The following LDB2 variants were observed in gnomAD, a reference collection of about 807,000 sequenced individuals.
LDB2 encodes the protein LIM domain binding 2, also known as LIM domain-binding protein 2.
A neutral mutation model predicts 44.3 loss-of-function variants in LDB2; 12 were observed. That is an observed-to-expected ratio of 0.27 (90% confidence interval 0.17 to 0.44). LDB2 has a LOEUF of 0.44. LDB2 is among the 20% of genes least tolerant of loss of function. The pLI is 1.00. For missense variants in LDB2, 344 were observed against 473.5 expected (o/e 0.73, Z 2.54); for synonymous variants, 164 against 174.8 (o/e 0.94, Z 0.49).
intron 3 of LDB2, among the ~76,000 whole-genome samples, chr4:16,594,290 C>A: frequency 6.6e-6 from 1 of 152,240 alleles, no homozygotes; most frequent in East Asian, 1.9e-4. Context: ...GTCTGATCTA[C>A]AAGATTATGT....
intron 1 of LDB2, among the ~76,000 whole-genome samples, chr4:16,810,871 T>C (rs1312085220): frequency 6.6e-6 from 1 of 152,160 alleles, no homozygotes; most frequent in Non-Finnish European, 1.5e-5. Flanking sequence ...TCATTCTTAG[T>C]GTAAGAATAA....
At chr4:16,802,543 T>C (rs1470961635) in intron 1 of LDB2, among the ~76,000 whole-genome samples, 5 of 152,138 alleles carry the variant, frequency 3.3e-5, no homozygotes, top group Admixed American at 6.5e-5. Flanking sequence ...TTAGGTCTGT[T>C]TGAAGAGACA....
intron 1 of LDB2, among the ~76,000 whole-genome samples, chr4:16,826,141 T>TGATA (rs1181415714): frequency 3.3e-5 from 5 of 151,962 alleles, no homozygotes; most frequent in Admixed American, 6.5e-5. Context: ...GAGATAAAGA[T>TGATA]GATAGATATA....
At chr4:16,889,092 A>AACACACAC (rs35916896) in intron 1 of LDB2, 85 of 149,374 alleles carry the variant, frequency 5.7e-4, no homozygotes, top group African/African-American at 1.9e-3. Flanking sequence ...CACACACATA[A>AACACACAC]ACACACACAC....
At chr4:16,572,487 G>A (rs1279256806) in intron 5 of LDB2, among the ~76,000 whole-genome samples, 1 of 152,042 alleles carries the variant, frequency 6.6e-6, no homozygotes, top group Non-Finnish European at 1.5e-5. Flanking sequence ...AAATTTTGGC[G>A]GCATCTGTAG....
At chr4:16,579,350 A>C (rs981018549) in intron 5 of LDB2, among the ~76,000 whole-genome samples, 2 of 152,160 alleles carry the variant, frequency 1.3e-5, no homozygotes, top group Non-Finnish European at 2.9e-5. Context: ...AACACAAAAG[A>C]AGCATTTGTA....
chr4:16,619,068 C>T (rs1728160476), intron 2 of LDB2, among the ~76,000 whole-genome samples: 1 of 152,172 alleles, frequency 6.6e-6, no homozygotes. Context: ...GCTTGCTGAA[C>T]CATGAGCCAA....
intron 5 of LDB2, among the ~76,000 whole-genome samples, chr4:16,527,380 C>T (rs143916688): frequency 6.6e-6 from 1 of 152,070 alleles, no homozygotes; most frequent in Non-Finnish European, 1.5e-5. Flanking sequence ...CAATGCGATG[C>T]CACCTTACTC....
intron 5 of LDB2, among the ~76,000 whole-genome samples, chr4:16,558,234 A>G (rs1740540074): frequency 1.3e-5 from 2 of 152,232 alleles, no homozygotes; most frequent in Admixed American, 1.3e-4. Context: ...AGCTGAGAGA[A>G]GAAGGCTTCA....
chr4:16,552,955 A>G (rs1194280767), intron 5 of LDB2, among the ~76,000 whole-genome samples: 2 of 152,198 alleles, frequency 1.3e-5, no homozygotes, highest in Non-Finnish European at 2.9e-5. Context: ...TGACTCCACC[A>G]CAGGGCAGGC....
intron 1 of LDB2, among the ~76,000 whole-genome samples, chr4:16,814,159 C>T (rs7657764): frequency 0.01 from 1,530 of 152,250 alleles, 31 homozygotes; most frequent in African/African-American, 0.032. Context: ...CGTGAGCCAC[C>T]GCACCCGGCC....
At chr4:16,863,139 T>G (rs1713309227) in intron 1 of LDB2, among the ~76,000 whole-genome samples, 1 of 152,200 alleles carries the variant, frequency 6.6e-6, no homozygotes, top group African/African-American at 2.4e-5. Context: ...TGACTAATGA[T>G]TCCAACATCC....
intron 5 of LDB2, among the ~76,000 whole-genome samples, chr4:16,534,396 T>G (rs1211969649): frequency 1.3e-5 from 2 of 152,196 alleles, no homozygotes; most frequent in Admixed American, 1.3e-4. Flanking sequence ...CCTCATAATT[T>G]CCATTCCCCT....
chr4:16,690,764 GT>G (rs1480049802), intron 2 of LDB2, among the ~76,000 whole-genome samples: 1 of 152,058 alleles, frequency 6.6e-6, no homozygotes, highest in African/African-American at 2.4e-5. Context: ...GAAGTATGAG[GT>G]GGGAAAGAGA....
intron 2 of LDB2, among the ~76,000 whole-genome samples, chr4:16,727,574 C>G (rs1476737847): frequency 6.6e-6 from 1 of 152,188 alleles, no homozygotes; most frequent in Non-Finnish European, 1.5e-5. Context: ...CCTTCTGTCT[C>G]CTGAATGATT....
chr4:16,784,167 A>G (rs1773898408), intron 1 of LDB2, among the ~76,000 whole-genome samples: 1 of 152,176 alleles, frequency 6.6e-6, no homozygotes. Flanking sequence ...CCTGGGGCAC[A>G]TAGGCAAAAG....
intron 1 of LDB2, among the ~76,000 whole-genome samples, chr4:16,786,353 T>C (rs1008502822): frequency 6.6e-6 from 1 of 152,202 alleles, no homozygotes; most frequent in African/African-American, 2.4e-5. Context: ...TATTTGTTTA[T>C]TGTCTGTCTC....
chr4:16,876,254 T>G (rs1350912784), intron 1 of LDB2, among the ~76,000 whole-genome samples: 2 of 152,246 alleles, frequency 1.3e-5, no homozygotes, highest in Non-Finnish European at 2.9e-5. Context: ...AAACACCTAC[T>G]GAGTTGATTG....
In LDB2 at chr4:16,728,898, A is replaced by G. The variant is rs61501310; in HGVS notation, c.235+30260T>C. Among the ~76,000 whole-genome samples, 1,314 of 152,366 alleles carry G rather than the reference A, an allele frequency of 8.6e-3. 47 individuals carry two copies. The highest frequency in any genetic ancestry group is 0.061 in the Admixed American group (936 of 15,300). On this transcript the variant is annotated intron_variant, in intron 2 of 7. Transcript: ENST00000304523. ...AAAGTTTCTAAAATGAGGCTCCACA[A>G]GACTTTTTGCCCAGGCAGCTTGCAT... is the stretch of plus-strand genomic sequence containing the variant.
Sources: allele counts gnomAD v4.1 joint callset (sites outside exome capture counted in the v4.1 genomes callset), GRCh38; gene constraint gnomAD v4.1.1; transcripts MANE v1.5; gene names NCBI Gene and HGNC (gene_info 2026-07-23, HGNC 2026-07-21).